Variants in ELMO1 observed in about 807,000 individuals in gnomAD.
ELMO1 encodes the protein engulfment and cell motility 1, also known as engulfment and cell motility protein 1.
A neutral mutation model predicts 98.9 loss-of-function variants in ELMO1; 26 were observed. That is an observed-to-expected ratio of 0.26 (90% confidence interval 0.19 to 0.36). ELMO1 has a LOEUF of 0.36. ELMO1 is among the 10% of genes least tolerant of loss of function. ELMO1 has a pLI of 1.00. For missense variants in ELMO1, 627 were observed against 935.2 expected (o/e 0.67, Z 4.30); for synonymous variants, 346 against 346.0 (o/e 1.00, Z 0.00).
chr7:37,344,598 A>G (rs1800903012), intron 1 of ELMO1, among the ~76,000 whole-genome samples: 1 of 152,196 alleles, frequency 6.6e-6, no homozygotes, highest in African/African-American at 2.4e-5. Flanking sequence ...CAGAACTGAA[A>G]CTGCTGGGTC....
At chr7:37,010,986 GAGGC>G (rs1183840311) in intron 16 of ELMO1, among the ~76,000 whole-genome samples, 1 of 152,176 alleles carries the variant, frequency 6.6e-6, no homozygotes, top group Non-Finnish European at 1.5e-5. Context: ...ATTTGGATGT[GAGGC>G]AGGAACCTCT....
intron 1 of ELMO1, among the ~76,000 whole-genome samples, chr7:37,371,636 TGCTAACGAAC>T (rs1241917111): frequency 6.6e-6 from 1 of 152,224 alleles, no homozygotes; most frequent in Non-Finnish European, 1.5e-5. Context: ...ATCTAGGATC[TGCTAACGAAC>T]GTTTCTTTTC....
intron 13 of ELMO1, among the ~76,000 whole-genome samples, chr7:37,207,824 G>C (rs1422523217): frequency 6.6e-6 from 1 of 152,074 alleles, no homozygotes; most frequent in East Asian, 1.9e-4. Context: ...CACCCGACAA[G>C]AGCAAAACTC....
chr7:36,994,247 C>G (rs958545694), intron 16 of ELMO1, among the ~76,000 whole-genome samples: 1 of 152,154 alleles, frequency 6.6e-6, no homozygotes. Flanking sequence ...TTCTGCTCAC[C>G]TGGAGAGCTT....
intron 1 of ELMO1, among the ~76,000 whole-genome samples, chr7:37,421,155 T>C (rs1253771619): frequency 6.6e-6 from 1 of 152,230 alleles, no homozygotes; most frequent in Non-Finnish European, 1.5e-5. Flanking sequence ...TTTAGAATCC[T>C]GAGTTTTCTG....
intron 17 of ELMO1, among the ~76,000 whole-genome samples, chr7:36,889,959 C>T (rs936720050): frequency 6.6e-5 from 10 of 152,174 alleles, no homozygotes; most frequent in African/African-American, 1.2e-4. Context: ...GCAATTTCTT[C>T]TTTCCTGGCG....
intron 13 of ELMO1, among the ~76,000 whole-genome samples, chr7:37,136,520 G>T (rs1271296332): frequency 6.6e-6 from 1 of 152,168 alleles, no homozygotes; most frequent in Non-Finnish European, 1.5e-5. Context: ...ATTAACAGCA[G>T]ATTTCTCAGC....
chr7:37,104,009 T>C (rs1333663343), intron 14 of ELMO1, among the ~76,000 whole-genome samples: 1 of 8,292 alleles, frequency 1.2e-4, no homozygotes, highest in Non-Finnish European at 3.0e-4. Flanking sequence ...AGACTCCATC[T>C]CAAAAAAAAA....
intron 15 of ELMO1, among the ~76,000 whole-genome samples, chr7:37,064,956 A>G (rs1796875759): frequency 6.6e-6 from 1 of 152,096 alleles, no homozygotes; most frequent in African/African-American, 2.4e-5. Flanking sequence ...GCCAATTCTG[A>G]GCTGCCCACT....
At chr7:36,905,544 TC>T (rs1452624582) in intron 16 of ELMO1, among the ~76,000 whole-genome samples, 1 of 152,238 alleles carries the variant, frequency 6.6e-6, no homozygotes, top group African/African-American at 2.4e-5. Flanking sequence ...ATCCTTATCG[TC>T]TTTGTTAATG....
chr7:37,150,002 T>A (rs1788250231), intron 13 of ELMO1, among the ~76,000 whole-genome samples: 1 of 152,162 alleles, frequency 6.6e-6, no homozygotes, highest in Non-Finnish European at 1.5e-5. Context: ...AGCTCATGGC[T>A]AGAAGGTCCC....
chr7:36,878,261 T>G, intron 18 of ELMO1, 144 bp from the exon 19 acceptor site: 22 of 616,070 alleles, frequency 3.6e-5, no homozygotes, highest in South Asian at 3.9e-5. Context: ...TCTAGGGCCC[T>G]GGGCAATAAA....
chr7:37,282,519 T>C (rs1797191996), intron 4 of ELMO1, among the ~76,000 whole-genome samples: 1 of 152,210 alleles, frequency 6.6e-6, no homozygotes, highest in Non-Finnish European at 1.5e-5. Flanking sequence ...TATGATACGC[T>C]GGTTGCTAAG....
chr7:37,087,706 C>T (rs1018199621), intron 15 of ELMO1, among the ~76,000 whole-genome samples: 1 of 152,158 alleles, frequency 6.6e-6, no homozygotes, highest in Non-Finnish European at 1.5e-5. Flanking sequence ...TACTTTTCAT[C>T]ATCCATTTTT....
At chr7:37,039,443 G>A (rs142969844) in intron 15 of ELMO1, among the ~76,000 whole-genome samples, 2,702 of 152,290 alleles carry the variant, frequency 0.018, 31 homozygotes, top group Non-Finnish European at 0.028. Context: ...CTGTGTCTTT[G>A]TTCCTTTCCC....
chr7:36,927,357 C>G (rs1356869888), intron 16 of ELMO1, among the ~76,000 whole-genome samples: 1 of 152,214 alleles, frequency 6.6e-6, no homozygotes, highest in Non-Finnish European at 1.5e-5. Context: ...AAGATTGTTT[C>G]TTTAACCTAA....
chr7:37,260,284 T>TG (rs1173210280), intron 5 of ELMO1, among the ~76,000 whole-genome samples: 3 of 152,232 alleles, frequency 2.0e-5, no homozygotes, highest in African/African-American at 7.2e-5. Flanking sequence ...CTTTCTCTTT[T>TG]GAAACCGTGT....
intron 5 of ELMO1, chr7:37,270,682 G>C (rs1169533083): frequency 6.6e-6 from 1 of 152,138 alleles, no homozygotes; most frequent in Non-Finnish European, 1.5e-5. Context: ...GAAAGACCAA[G>C]AAGAGAGACA....
intron 16 of ELMO1, among the ~76,000 whole-genome samples, chr7:37,000,686 A>G (rs1290079451): frequency 6.6e-6 from 1 of 152,190 alleles, no homozygotes; most frequent in East Asian, 1.9e-4. Context: ...CCAGTCCCCT[A>G]CATGGGATGG....
Sources: allele counts gnomAD v4.1 joint callset (sites outside exome capture counted in the v4.1 genomes callset), GRCh38; gene constraint gnomAD v4.1.1; transcripts MANE v1.5; gene names NCBI Gene and HGNC (gene_info 2026-07-23, HGNC 2026-07-21).